The following SAMMSON variants were observed in gnomAD, a reference collection of about 807,000 sequenced individuals.
SAMMSON encodes long intergenic non-protein coding RNA 1212.
intron 4 of SAMMSON, among the ~76,000 whole-genome samples, chr3:70,112,206 A>G (rs1286165272): frequency 6.6e-6 from 1 of 152,184 alleles, no homozygotes; most frequent in Non-Finnish European, 1.5e-5. Flanking sequence ...CAGATTACAT[A>G]TAAAGGAGCA....
At chr3:70,290,010 C>G (rs1702215318) in intron 6 of SAMMSON, among the ~76,000 whole-genome samples, 1 of 152,108 alleles carries the variant, frequency 6.6e-6, no homozygotes, top group South Asian at 2.1e-4. Flanking sequence ...TTTGAATGTC[C>G]TCCCGTAGCT....
intron 4 of SAMMSON, among the ~76,000 whole-genome samples, chr3:70,245,290 A>T (rs1701696075): frequency 6.6e-6 from 1 of 152,078 alleles, no homozygotes; most frequent in South Asian, 2.1e-4. Context: ...GTGATATAAA[A>T]TTACTTTTGG....
intron 2 of SAMMSON, among the ~76,000 whole-genome samples, chr3:70,430,995 A>G (rs1174633407): frequency 6.6e-6 from 1 of 151,994 alleles, no homozygotes; most frequent in Non-Finnish European, 1.5e-5. Flanking sequence ...CAGTGGTTGG[A>G]TATGGAGAGA....
At chr3:70,390,582 C>A (rs1701037106), downstream of SAMMSON, among the ~76,000 whole-genome samples, 1 of 151,832 alleles carries the variant, frequency 6.6e-6, no homozygotes, top group Non-Finnish European at 1.5e-5. Flanking sequence ...GGAGGATTAC[C>A]ACACATTTAA....
intron 6 of SAMMSON, among the ~76,000 whole-genome samples, chr3:70,261,567 C>T (rs973496442): frequency 6.6e-6 from 1 of 152,136 alleles, no homozygotes; most frequent in Non-Finnish European, 1.5e-5. Flanking sequence ...TTCCAAGGTA[C>T]CATGCTCACC....
intron 6 of SAMMSON, among the ~76,000 whole-genome samples, chr3:70,254,101 G>A (rs1210952557): frequency 6.6e-6 from 1 of 151,302 alleles, no homozygotes; most frequent in Non-Finnish European, 1.5e-5. Flanking sequence ...TCTTTTCAGA[G>A]CATTAAAATT....
intron 1 of SAMMSON, among the ~76,000 whole-genome samples, chr3:70,000,431 A>G (rs2107573018): frequency 6.6e-6 from 1 of 152,358 alleles, no homozygotes; most frequent in Non-Finnish European, 1.5e-5. Context: ...GTACAATGAT[A>G]TATATTGACA....
intron 4 of SAMMSON, among the ~76,000 whole-genome samples, chr3:70,228,954 G>T (rs1163276298): frequency 3.3e-5 from 5 of 152,132 alleles, no homozygotes; most frequent in African/African-American, 1.2e-4. Flanking sequence ...TCCAAGAGCA[G>T]AGTCCAGTGA....
intron 4 of SAMMSON, among the ~76,000 whole-genome samples, chr3:70,115,880 G>T (rs530881255): frequency 6.6e-6 from 1 of 152,114 alleles, no homozygotes; most frequent in Non-Finnish European, 1.5e-5. Context: ...AAGTTGCCCA[G>T]TGTTGACATC....
At chr3:70,384,438 C>G (rs1041972877) in intron 9 of SAMMSON, among the ~76,000 whole-genome samples, 1 of 151,956 alleles carries the variant, frequency 6.6e-6, no homozygotes, top group African/African-American at 2.4e-5. Context: ...TAAATATAGT[C>G]AATCCGATGA....
At chr3:70,057,477 AG>A (rs2107590893) in intron 3 of SAMMSON, among the ~76,000 whole-genome samples, 1 of 152,186 alleles carries the variant, frequency 6.6e-6, no homozygotes, top group Non-Finnish European at 1.5e-5. Context: ...GCCTTGTTTG[AG>A]GACATTTAGT....
intron 4 of SAMMSON, among the ~76,000 whole-genome samples, chr3:70,103,433 A>G (rs1023647426): frequency 6.6e-6 from 1 of 152,212 alleles, no homozygotes; most frequent in African/African-American, 2.4e-5. Context: ...GTTTCCTGCC[A>G]TATAGAAATG....
At chr3:70,398,696 C>A (rs1244277327) in intron 2 of SAMMSON, among the ~76,000 whole-genome samples, 1 of 152,118 alleles carries the variant, frequency 6.6e-6, no homozygotes. Context: ...TGTACTTCAT[C>A]CCTCCAAATT....
chr3:70,206,754 T>A, intron 4 of SAMMSON: 1 of 397,830 alleles, frequency 2.5e-6, no homozygotes. Context: ...ATTAATGGGT[T>A]TCTCATCTGC....
chr3:70,335,187 C>A (rs1559566207), intron 7 of SAMMSON, among the ~76,000 whole-genome samples: 1 of 152,020 alleles, frequency 6.6e-6, no homozygotes, highest in Admixed American at 6.6e-5. Flanking sequence ...TATTTTCTCA[C>A]CTGGTGGGTA....
intron 6 of SAMMSON, among the ~76,000 whole-genome samples, chr3:70,288,666 G>C (rs1429198312): frequency 2.0e-5 from 3 of 151,844 alleles, no homozygotes; most frequent in African/African-American, 7.3e-5. Context: ...GGGTGTTAAA[G>C]TCTCCCATTA....
chr3:70,038,789 G>A (rs2067095765), intron 3 of SAMMSON, among the ~76,000 whole-genome samples: 1 of 152,124 alleles, frequency 6.6e-6, no homozygotes, highest in Non-Finnish European at 1.5e-5. Context: ...TGAATGAATA[G>A]AAACAATTTT....
At chr3:70,205,153 AC>A (rs1470031202) in intron 4 of SAMMSON, 2 of 152,076 alleles carry the variant, frequency 1.3e-5, no homozygotes, top group African/African-American at 4.8e-5. Flanking sequence ...ACCCTGGAAA[AC>A]TTAGAAATTT....
chr3:70,101,778 C>T (rs1352805848), intron 4 of SAMMSON, among the ~76,000 whole-genome samples: 2 of 151,932 alleles, frequency 1.3e-5, no homozygotes, highest in East Asian at 3.9e-4. Context: ...AGGAAACAGA[C>T]CAAAAAGGTT....
Sources: gnomAD v4.1 joint callset for allele counts (sites outside exome capture counted in the v4.1 genomes callset) on GRCh38, gnomAD v4.1.1 for gene constraint, MANE v1.5 for transcripts, NCBI Gene and HGNC (gene_info 2026-07-23, HGNC 2026-07-21) for gene names.